The following AKNAD1 variants were observed in gnomAD, a reference collection of about 807,000 sequenced individuals.
AKNAD1 encodes AKNA domain containing 1.
In AKNAD1, 67 loss-of-function variants were observed where a neutral mutation model predicts 90.8. The observed-to-expected ratio is 0.74, with a 90% CI of 0.61 to 0.90. AKNAD1 has a LOEUF of 0.90. AKNAD1 is among the 40% of genes least tolerant of loss of function. AKNAD1 has a pLI of 0.00. For missense variants in AKNAD1, 957 were observed against 975.4 expected (o/e 0.98, Z 0.25); for synonymous variants, 327 against 341.4 (o/e 0.96, Z 0.46).
rs1557838609 is a variant in AKNAD1 at position 108,851,729 on chromosome 1, A to C, written c.936T>G (p.Val312=). 6.2e-7 allele frequency: 1 copy of C among 1,602,834 alleles called. No homozygotes were observed. The highest frequency in any genetic ancestry group is 1.1e-5 in the South Asian group (1 of 88,732). The stretch of plus-strand genomic sequence containing the variant: ...CTTTCTGCTCTTGATGTTGTTTTTC[A>C]ACACAGTTTGACTCAGGCGTGGTTT... ...SLETTPESNC[V]EKQHQEQKGK... is the part of the protein sequence containing the mutation. The change falls in exon 2 of 16, where the codon GTT becomes GTG. Residue 312 remains valine, a synonymous_variant. Coordinates refer to ENST00000370001, the MANE Select transcript of AKNAD1 (RefSeq NM_152763.5).
Position 108,820,558 on chromosome 1 carries a change from G to T in AKNAD1, c.2236C>A (p.Pro746Thr). 6.2e-7 allele frequency: 1 copy of T among 1,603,824 alleles called. No individual in the cohort carries two copies. The highest frequency in any genetic ancestry group is 8.5e-7 in the Non-Finnish European group (1 of 1,171,524). ...NSKSFKGEHE[P>T]TPGKKKLQAF... The stretch of plus-strand genomic sequence containing the variant: ...AATAATACTTACTTTCCTGGTGTGG[G>T]CTCATGTTCACCTTTAAAGGATTTT... The change falls in exon 14 of 16, where the codon CCC (proline) becomes ACC (threonine). Residue 746 changes from proline (P) to threonine (T), a missense_variant. Coordinates refer to ENST00000370001, the MANE Select transcript of AKNAD1 (RefSeq NM_152763.5).
At chr1:108,821,373 C>T (rs919192455) in intron 13 of AKNAD1, among the ~76,000 whole-genome samples, 1 of 152,056 alleles carries the variant, frequency 6.6e-6, no homozygotes, top group Admixed American at 6.6e-5. Flanking sequence ...GTCATTTGAA[C>T]CCAGGAGGTG....
rs1239297819 is a variant in AKNAD1, at chr1:108,816,123, T to C, written c.*48A>G. 6.7e-7 allele frequency: 1 copy of C among 1,496,502 alleles called. No homozygotes were observed. The highest frequency in any genetic ancestry group is 8.9e-7 in the Non-Finnish European group (1 of 1,125,118). 92.7% of individuals were successfully genotyped at this position (1,496,502 alleles called of 1,614,324 possible). On this transcript the variant is annotated 3_prime_UTR_variant, in exon 16 of 16. Transcript: ENST00000370001. The stretch of plus-strand genomic sequence containing the variant: ...AAATACATTTTGGGGGAAGATCAAG[T>C]TTTCTTTGCATTTTTTTCTTTTGAA...
chr1:108,849,479 A>T, intron 3 of AKNAD1, 58 bp downstream of exon 3: 1 of 1,180,302 alleles, frequency 8.5e-7, no homozygotes, highest in East Asian at 2.3e-5. Context: ...ACCCTGTCTC[A>T]AAAAGACAAA....
intron 5 of AKNAD1, among the ~76,000 whole-genome samples, chr1:108,845,263 C>T (rs1019835524): frequency 6.6e-6 from 1 of 152,212 alleles, no homozygotes; most frequent in African/African-American, 2.4e-5. Flanking sequence ...TAATGGACTG[C>T]ACCACAGGCT....
Position 108,852,214 on chromosome 1 carries a change from T to C in AKNAD1, c.451A>G (p.Ile151Val). ...SFEEEAIIKS[I>V]ISCYNKNSWP... ...GAATTCTTATTATAACATGAAATAA[T>C]ACTTTTAATAATAGCTTCCTCTTCA... is the stretch of plus-strand genomic sequence containing the variant. The change falls in exon 2 of 16, where the codon ATT (isoleucine) becomes GTT (valine). Residue 151 changes from isoleucine to valine, a missense_variant. Ile to Val is a conservative substitution (Grantham distance 29). Transcript: ENST00000370001. 1 of 1,613,338 alleles carries C rather than the reference T, an allele frequency of 6.2e-7. No individual in the cohort carries two copies. The highest frequency in any genetic ancestry group is 1.3e-5 in the African/African-American group (1 of 74,950).
rs568717400 is a variant in AKNAD1, at chr1:108,835,185, G to C, written c.1537-129C>G. ...TCCTGCCTGGCGTCCCCCCACCCCT[G>C]TCTCCCCCAGCTCTTTACCTAGCTG... On this transcript the variant is annotated intron_variant, in intron 7 of 15. Transcript: ENST00000370001. The C allele has an allele frequency of 4.2e-5, 42 of 1,002,328 alleles. No homozygotes were observed. The African/African-American group carries it at 5.9e-4, about 14-fold the overall frequency. The allele number at this position is 1,002,328 out of a possible 1,614,324, so 62.1% of individuals were successfully genotyped here.
At chr1:108,845,377 C>T (rs1205308706) in intron 5 of AKNAD1, among the ~76,000 whole-genome samples, 1 of 152,176 alleles carries the variant, frequency 6.6e-6, no homozygotes, top group Non-Finnish European at 1.5e-5. Flanking sequence ...CCTGTGCCGT[C>T]ATGGAGTTGA....
At chr1:108,843,093 C>G (rs1396342146) in intron 6 of AKNAD1, 41 bp downstream of exon 6, 1 of 1,606,734 alleles carries the variant, frequency 6.2e-7, no homozygotes, top group South Asian at 1.1e-5. Flanking sequence ...AAGGAGATCA[C>G]CTTTGACCCT....
chr1:108,852,958 TG>T (rs201121619), intron 1 of AKNAD1, among the ~76,000 whole-genome samples, 191 bp from the exon 2 acceptor site: 87 of 146,642 alleles, frequency 5.9e-4, no homozygotes, highest in South Asian at 4.2e-3. Flanking sequence ...CAGCAAGGAA[TG>T]GGGGAAAAAA....
chr1:108,840,515 G>A (rs1664520866), intron 6 of AKNAD1, among the ~76,000 whole-genome samples: 1 of 152,120 alleles, frequency 6.6e-6, no homozygotes, highest in South Asian at 2.1e-4. Flanking sequence ...AAGAACCTTG[G>A]TGAGCTGATT....
chr1:108,836,450 G>A (rs1383156262), intron 7 of AKNAD1, among the ~76,000 whole-genome samples: 3 of 152,130 alleles, frequency 2.0e-5, no homozygotes, highest in Non-Finnish European at 4.4e-5. Context: ...ACAGAGGCCG[G>A]GGCCAAGAAT....
At chr1:108,843,524 T>C (rs1160845447) in intron 5 of AKNAD1, among the ~76,000 whole-genome samples, 3 of 152,226 alleles carry the variant, frequency 2.0e-5, no homozygotes, top group Non-Finnish European at 4.4e-5. Context: ...CAGAACCCAC[T>C]CAGAGGCCTC....
At position 108,830,670 on chromosome 1, in the gene AKNAD1, G is replaced by A. The variant is rs192411720; in HGVS notation, c.1747-20C>T. The A allele has an allele frequency of 3.4e-4, 544 of 1,612,562 alleles. 2 individuals carry two copies. The African/African-American group carries it at 6.5e-3, about 19-fold the overall frequency. On this transcript the variant is annotated intron_variant, in intron 9 of 15. Transcript: ENST00000370001. ...ATCCTCCTGCGCCACAAAGCACACA[G>A]ATGGAGATGTGATAGAGGATGTGAC...
upstream of AKNAD1, chr1:108,857,483 G>A (rs1386230682): frequency 1.3e-5 from 2 of 152,684 alleles, no homozygotes; most frequent in Non-Finnish European, 2.9e-5. Context: ...GATGGTCAGC[G>A]AATTGTTGTT....
At chr1:108,822,689 G>C (rs998196418) in intron 13 of AKNAD1, among the ~76,000 whole-genome samples, 1 of 152,152 alleles carries the variant, frequency 6.6e-6, no homozygotes, top group African/African-American at 2.4e-5. Flanking sequence ...AGGATGTAGC[G>C]CCTGTCAGAG....
In AKNAD1 at chr1:108,852,153, T is replaced by C; in HGVS notation, c.512A>G (p.Gln171Arg). ...PKEQTPELTD[Q>R]LNPKRDGENS... ...TTCACCATCCCTTTTCGGGTTGAGT[T>C]GGTCAGTGAGTTCTGGGGTTTGTTC... Residue 171 changes from glutamine to arginine, a missense_variant, in exon 2 of 16, where the codon CAA (glutamine) becomes CGA (arginine). Coordinates refer to ENST00000370001, the MANE Select transcript of AKNAD1 (RefSeq NM_152763.5). 1 of 1,614,140 alleles carries C rather than the reference T, an allele frequency of 6.2e-7. No homozygotes were observed. The highest frequency in any genetic ancestry group is 8.5e-7 in the Non-Finnish European group (1 of 1,180,044).
At chr1:108,828,289 G>A (rs1358198721) in intron 10 of AKNAD1, among the ~76,000 whole-genome samples, 1 of 151,610 alleles carries the variant, frequency 6.6e-6, no homozygotes, top group Non-Finnish European at 1.5e-5. Flanking sequence ...AGTTGCACAT[G>A]GCCACCAGGT....
intron 9 of AKNAD1, among the ~76,000 whole-genome samples, chr1:108,834,243 C>A (rs907075852): frequency 6.6e-5 from 10 of 152,092 alleles, no homozygotes; most frequent in African/African-American, 2.4e-4. Context: ...GGTCTAGGTA[C>A]GCCTGCCGAG....
Sources: gnomAD v4.1 joint callset for allele counts (sites outside exome capture counted in the v4.1 genomes callset) on GRCh38, gnomAD v4.1.1 for gene constraint, MANE v1.5 for transcripts, NCBI Gene and HGNC (gene_info 2026-07-23, HGNC 2026-07-21) for gene names.